The following PRKDC variants were observed in gnomAD, a reference collection of about 807,000 sequenced individuals.
PRKDC encodes the protein protein kinase, DNA-activated, catalytic subunit, also known as DNA-dependent protein kinase catalytic subunit.
In PRKDC, 82 loss-of-function variants were observed where a neutral mutation model predicts 486.9. The ratio of observed to expected loss-of-function variants is 0.17; its 90% confidence interval spans 0.14 to 0.20. The LOEUF (loss-of-function observed/expected upper bound fraction) is 0.20. Ranked by LOEUF, PRKDC falls within the 10% of genes least tolerant of loss-of-function variation. The probability of loss-of-function intolerance (pLI) is 1.00; values close to 1 mark genes in which losing one functional copy is unlikely to be tolerated. For synonymous variants in PRKDC, 1,895 were observed against 1,837.0 expected (o/e 1.03, Z -0.81); for missense variants, 4,504 against 5,038.2 (o/e 0.89, Z 3.21).
At chr8:47,954,013 G>A (rs749686200) in intron 5 of PRKDC, 94 bp from the exon 6 acceptor site, 7 of 705,638 alleles carry the variant, frequency 9.9e-6, no homozygotes, top group Non-Finnish European at 1.5e-5. Context: ...ATAAAATAAA[G>A]TTCAAAATTG....
intron 43 of PRKDC, 80 bp downstream of exon 43, chr8:47,862,293 A>G: frequency 6.9e-7 from 1 of 1,458,378 alleles, no homozygotes; most frequent in African/African-American, 1.4e-5. Flanking sequence ...GATGGTATAA[A>G]TTATCTGTAA....
In PRKDC at chr8:47,855,213, TA is replaced by T; in HGVS notation, c.6761+8del. The T allele has an allele frequency of 1.9e-6, 3 of 1,582,254 alleles. No individual in the cohort carries two copies. Among genetic ancestry groups the T allele is most frequent in the Non-Finnish European group, 2.6e-6 (3 of 1,166,024 alleles). On this transcript the variant is annotated splice_region_variant and intron_variant, in intron 50 of 85. Coordinates refer to ENST00000314191, the MANE Select transcript of PRKDC (RefSeq NM_006904.7). ...TTCTAAACAATACTGCAAAAACCAGTAAACATACCTATAAGGGATGGATAAA... is the reference window on the plus strand; with the variant it reads ...TTCTAAACAATACTGCAAAAACCAGTAACATACCTATAAGGGATGGATAAA...
chr8:47,912,464 C>T lies in PRKDC; in HGVS notation c.2880G>A (p.Gln960=), dbSNP rs2089920229. The T allele has an allele frequency of 6.2e-7, 1 of 1,611,844 alleles. No homozygotes were observed. The highest frequency in any genetic ancestry group is 1.7e-5 in the Admixed American group (1 of 59,774). ...EGGQGAPPMY[Q]LYKRTFPVLL... is the part of the protein sequence containing the mutation. Reference sequence around the variant, plus strand: ...GCACAGGAAACGTCCGCTTATAGAGCTGGTACATGGGTGGGGCTCCCTGTC... The same window carrying T: ...GCACAGGAAACGTCCGCTTATAGAGTTGGTACATGGGTGGGGCTCCCTGTC... Residue 960 remains glutamine (Q), a synonymous_variant, in exon 25 of 86, where the codon CAG becomes CAA. Transcript: ENST00000314191.
Position 47,831,875 on chromosome 8 carries a change from T to TC in PRKDC, c.8203dup (p.Asp2735GlyfsTer16). The TC allele has an allele frequency of 6.2e-7, 1 of 1,614,000 alleles. No individual in the cohort carries two copies. Among genetic ancestry groups the TC allele is most frequent in the Non-Finnish European group, 8.5e-7 (1 of 1,179,870 alleles). ...ATACATCAAACTGAGCTTCTCCTGG[T>TC]CCCTCATAAACCGTCTGCGCAGTCG... On this transcript the variant is annotated frameshift_variant, in exon 60 of 86. Coordinates refer to ENST00000314191, the MANE Select transcript of PRKDC (RefSeq NM_006904.7). LOFTEE classifies it high-confidence loss of function.
chr8:47,804,190 A>C (rs1409401512), intron 69 of PRKDC, among the ~76,000 whole-genome samples: 5 of 151,930 alleles, frequency 3.3e-5, no homozygotes, highest in African/African-American at 1.2e-4. Flanking sequence ...TGTGTCTCGC[A>C]TCTTTTACTT....
intron 58 of PRKDC, 48 bp downstream of exon 58, chr8:47,836,290 A>T: frequency 7.1e-7 from 1 of 1,414,912 alleles, no homozygotes; most frequent in South Asian, 1.9e-5. Flanking sequence ...AGCTGCCCAC[A>T]GAGGTCAGGG....
chr8:47,831,778 G>T, intron 60 of PRKDC, 36 bp downstream of exon 60: 1 of 1,592,900 alleles, frequency 6.3e-7, no homozygotes, highest in Non-Finnish European at 8.6e-7. Flanking sequence ...GACAGAAACT[G>T]CATCGTTCTG....
intron 46 of PRKDC, among the ~76,000 whole-genome samples, chr8:47,859,256 T>G (rs1294369804): frequency 6.6e-6 from 1 of 152,160 alleles, no homozygotes; most frequent in African/African-American, 2.4e-5. Flanking sequence ...TCTGTTACAC[T>G]GACCCCTGAC....
chr8:47,889,142 G>A lies in PRKDC; in HGVS notation c.4152C>T (p.Phe1384=), dbSNP rs1428332026. The A allele has an allele frequency of 1.2e-6, 2 of 1,613,868 alleles. No individual in the cohort carries two copies. The highest frequency in any genetic ancestry group is 2.7e-5 in the African/African-American group (2 of 74,928). ...CCATAACCTGGACGTCTCCGATGTT[G>A]AAACCTATGCTTGCGGGCTCACACA... ...QTLCEPASIG[F]NIGDVQVMAH... is the part of the protein sequence containing the mutation. The change falls in exon 33 of 86, where the codon TTC becomes TTT. Residue 1384 remains phenylalanine (F), a synonymous_variant. Transcript: ENST00000314191.
intron 77 of PRKDC, chr8:47,784,053 C>CA (rs1402855966): frequency 6.8e-6 from 3 of 443,078 alleles, no homozygotes; most frequent in East Asian, 4.3e-5. Context: ...GGTCAGGAGA[C>CA]AGAGACCATC....
intron 51 of PRKDC, among the ~76,000 whole-genome samples, chr8:47,853,121 C>T (rs1354985247): frequency 6.6e-6 from 1 of 152,214 alleles, no homozygotes; most frequent in African/African-American, 2.4e-5. Context: ...CAAAACCCAC[C>T]TACTATAGCA....
intron 45 of PRKDC, 30 bp downstream of exon 45, chr8:47,860,868 AT>A (rs1214619929): frequency 1.9e-6 from 3 of 1,540,858 alleles, no homozygotes; most frequent in African/African-American, 2.7e-5. Flanking sequence ...ATCGATTTGA[AT>A]CCTTTCTCAT....
chr8:47,882,266 C>T (rs572088248), intron 36 of PRKDC, among the ~76,000 whole-genome samples, 169 bp from the exon 37 acceptor site: 13 of 152,058 alleles, frequency 8.5e-5, no homozygotes, highest in Non-Finnish European at 1.8e-4. Flanking sequence ...ACACTTTAAC[C>T]ATAGTTTTTC....
At chr8:47,799,822 A>G (rs890907417) in intron 71 of PRKDC, among the ~76,000 whole-genome samples, 2 of 152,212 alleles carry the variant, frequency 1.3e-5, no homozygotes, top group African/African-American at 4.8e-5. Context: ...AACTATTGAA[A>G]AAAACAAAAT....
At chr8:47,811,861 C>T (rs555556971) in intron 68 of PRKDC, among the ~76,000 whole-genome samples, 101 of 152,070 alleles carry the variant, frequency 6.6e-4, no homozygotes, top group Admixed American at 2.4e-3. Context: ...CCTGTAAACC[C>T]GGCTACTCGG....
intron 18 of PRKDC, among the ~76,000 whole-genome samples, 159 bp downstream of exon 18, chr8:47,929,694 T>C (rs920136880): frequency 6.6e-5 from 10 of 152,234 alleles, no homozygotes; most frequent in African/African-American, 2.4e-4. Flanking sequence ...TTTAGAGTGC[T>C]ATCCAACTGC....
At chr8:47,832,778 G>C (rs2087916865) in intron 59 of PRKDC, among the ~76,000 whole-genome samples, 1 of 152,238 alleles carries the variant, frequency 6.6e-6, no homozygotes. Flanking sequence ...GAAGGTGAGA[G>C]TCAGCGGCCT....
intron 84 of PRKDC, 115 bp from the exon 85 acceptor site, chr8:47,777,098 A>G: frequency 7.5e-7 from 1 of 1,336,734 alleles, no homozygotes; most frequent in Non-Finnish European, 1.0e-6. Flanking sequence ...AACCAGGAGC[A>G]GCCTTGCTTT....
intron 83 of PRKDC, 82 bp from the exon 84 acceptor site, chr8:47,777,956 T>C: frequency 4.0e-6 from 5 of 1,252,298 alleles, no homozygotes; most frequent in South Asian, 1.3e-5. Flanking sequence ...CATCCTCACA[T>C]AGTTACTGTT....
Sources: allele counts gnomAD v4.1 joint callset (sites outside exome capture counted in the v4.1 genomes callset), GRCh38; gene constraint gnomAD v4.1.1; transcripts MANE v1.5; gene names NCBI Gene and HGNC (gene_info 2026-07-23, HGNC 2026-07-21).